PHTF2: variants seen among roughly 807,000 people sequenced by gnomAD.
PHTF2 encodes the protein protein PHTF2.
In PHTF2, 60 loss-of-function variants were observed where a neutral mutation model predicts 101.2. The observed-to-expected ratio is 0.59, with a 90% confidence interval of 0.48 to 0.73. The LOEUF (loss-of-function observed/expected upper bound fraction) is 0.73. Ranked by LOEUF, PHTF2 falls within the 30% of genes least tolerant of loss-of-function variation. The probability of loss-of-function intolerance (pLI) is 0.00; values close to 1 mark genes in which losing one functional copy is unlikely to be tolerated. For synonymous variants in PHTF2, 311 were observed against 307.3 expected, an observed-to-expected ratio of 1.01 and a Z score of -0.13; for missense variants, 747 against 908.7, an observed-to-expected ratio of 0.82 and a Z score of 2.29.
At chr7:77,839,024 C>T (rs1288747327) in intron 1 of PHTF2, among the ~76,000 whole-genome samples, 1 of 152,092 alleles carries the variant, frequency 6.6e-6, no homozygotes, top group South Asian at 2.1e-4. Context: ...CATGCATGCT[C>T]CCACTCATCA....
At chr7:77,949,767 A>G in exon 17 of PHTF2, 1 of 1,548,104 alleles carries the variant, frequency 6.5e-7, no homozygotes, top group Non-Finnish European at 8.8e-7. Context: ...TTCTCCTAAG[A>G]TTTGTTACCC....
At position 77,949,677 on chromosome 7, in the gene PHTF2, G is replaced by T; in HGVS notation, c.1960-1G>T. 6.5e-7 allele frequency: 1 copy of T among 1,535,412 alleles called. No individual in the cohort carries two copies. On this transcript the variant is annotated splice_acceptor_variant, in intron 16 of 19. Transcript: ENST00000416283. LOFTEE classifies it high-confidence loss of function. ...TTATGTTACCTTTTTCATACTTTTA[G>T]CTACTTCATGTACACGAGATCTTCC...
intron 11 of PHTF2, chr7:77,923,390 T>G (rs1358555461): frequency 1.0e-6 from 1 of 978,266 alleles, no homozygotes; most frequent in East Asian, 1.1e-4. Context: ...TTTATAAACA[T>G]TACCTTCTAC....
chr7:77,934,929 G>T (rs1584759492), intron 12 of PHTF2, among the ~76,000 whole-genome samples: 1 of 151,734 alleles, frequency 6.6e-6, no homozygotes, highest in Admixed American at 6.6e-5. Flanking sequence ...TCCAGCCTGG[G>T]CAGTGGAGCC....
intron 8 of PHTF2, chr7:77,909,525 T>C (rs1465268267): frequency 1.3e-5 from 2 of 152,038 alleles, no homozygotes; most frequent in Non-Finnish European, 2.9e-5. Context: ...CCCACCTGAC[T>C]AGTTTTTTTA....
intron 3 of PHTF2, among the ~76,000 whole-genome samples, chr7:77,874,420 T>G (rs1203488400): frequency 6.6e-6 from 1 of 152,076 alleles, no homozygotes; most frequent in Non-Finnish European, 1.5e-5. Context: ...AAGGAGAGTT[T>G]ATTAAGTATT....
At chr7:77,929,052 T>G (rs1804320676) in intron 11 of PHTF2, 57 bp from the exon 11 acceptor site, 1 of 1,296,142 alleles carries the variant, frequency 7.7e-7, no homozygotes, top group Admixed American at 1.9e-5. Context: ...GATAGTATCC[T>G]TTGAGTTGGA....
chr7:77,941,495 G>A (rs767276153), intron 15 of PHTF2, among the ~76,000 whole-genome samples: 1 of 151,990 alleles, frequency 6.6e-6, no homozygotes, highest in Non-Finnish European at 1.5e-5. Flanking sequence ...ATTTTATTCC[G>A]TAAACACTTA....
At chr7:77,802,027 T>G (rs1584330677) in intron 1 of PHTF2, among the ~76,000 whole-genome samples, 1 of 152,206 alleles carries the variant, frequency 6.6e-6, no homozygotes, top group East Asian at 1.9e-4. Flanking sequence ...ATAAATAATT[T>G]TAAGAGAGAA....
At chr7:77,951,088 A>C (rs566431990) in intron 17 of PHTF2, among the ~76,000 whole-genome samples, 43 of 152,342 alleles carry the variant, frequency 2.8e-4, no homozygotes, top group African/African-American at 1.0e-3. Context: ...GATACCCCAA[A>C]ATTATCTATT....
intron 1 of PHTF2, among the ~76,000 whole-genome samples, chr7:77,827,126 C>T (rs1234148828): frequency 6.6e-6 from 1 of 152,124 alleles, no homozygotes; most frequent in Non-Finnish European, 1.5e-5. Flanking sequence ...TAAAGTTGAA[C>T]ATGTAGATAA....
intron 9 of PHTF2, among the ~76,000 whole-genome samples, chr7:77,917,643 T>C (rs565323461): frequency 2.0e-5 from 3 of 152,316 alleles, no homozygotes; most frequent in Non-Finnish European, 4.4e-5. Flanking sequence ...GTCACCTTTA[T>C]ATAGATCAAC....
At position 77,840,319 on chromosome 7, in the gene PHTF2, CT is replaced by C; in HGVS notation, c.45+23del. On this transcript the variant is annotated intron_variant, in intron 2 of 19. Transcript: ENST00000416283. ...AAAGAAGGTAAGTTGATAGTCAAAACTTTTAGCTTTCTAAATGTTTGAATTT... is the reference window on the plus strand; with the variant it reads ...AAAGAAGGTAAGTTGATAGTCAAAACTTTAGCTTTCTAAATGTTTGAATTT... The C allele has an allele frequency of 6.5e-7, 1 of 1,537,610 alleles. No homozygotes were observed. The highest frequency in any genetic ancestry group is 9.0e-7 in the Non-Finnish European group (1 of 1,111,842).
intron 1 of PHTF2, among the ~76,000 whole-genome samples, chr7:77,821,447 C>T (rs1050669139): frequency 6.6e-6 from 1 of 151,964 alleles, no homozygotes; most frequent in African/African-American, 2.4e-5. Context: ...CCCTTCTCTT[C>T]TGCTTGGCTG....
chr7:77,842,677 C>G (rs945287692), intron 2 of PHTF2, among the ~76,000 whole-genome samples: 1 of 152,128 alleles, frequency 6.6e-6, no homozygotes, highest in Non-Finnish European at 1.5e-5. Context: ...CAAAGTTCTC[C>G]CACTCCTCAT....
chr7:77,858,669 G>T (rs1412209381), intron 3 of PHTF2, among the ~76,000 whole-genome samples: 3 of 146,996 alleles, frequency 2.0e-5, no homozygotes, highest in Non-Finnish European at 4.5e-5. Context: ...TTTTTTTAAA[G>T]ATAGGGTTAG....
intron 1 of PHTF2, among the ~76,000 whole-genome samples, chr7:77,803,461 T>C (rs552411698): frequency 6.6e-6 from 1 of 152,344 alleles, no homozygotes. Context: ...TGGTGCTCTG[T>C]AGACCTAGGT....
intron 11 of PHTF2, among the ~76,000 whole-genome samples, chr7:77,925,124 G>C (rs577416835): frequency 6.6e-6 from 1 of 152,132 alleles, no homozygotes; most frequent in Non-Finnish European, 1.5e-5. Context: ...GATGAGAAGC[G>C]TAATGAAGAA....
intron 6 of PHTF2, 123 bp from the exon 6 acceptor site, chr7:77,901,639 C>A (rs1193837168): frequency 4.5e-6 from 2 of 439,848 alleles, no homozygotes; most frequent in African/African-American, 4.1e-5. Flanking sequence ...ACATTTCTCA[C>A]TCATAGTATA....
Sources: allele counts gnomAD v4.1 joint callset (sites outside exome capture counted in the v4.1 genomes callset), GRCh38; gene constraint gnomAD v4.1.1; transcripts MANE v1.5; gene names NCBI Gene and HGNC (gene_info 2026-07-23, HGNC 2026-07-21).